The following FRY variants were observed in gnomAD, a reference collection of about 807,000 sequenced individuals.
The protein encoded by FRY is FRY microtubule binding protein.
A neutral mutation model predicts 348.4 loss-of-function variants in FRY; 128 were observed. That is an observed-to-expected ratio of 0.37 (90% CI 0.32 to 0.43). The LOEUF (loss-of-function observed/expected upper bound fraction) is 0.43, where lower values mean the gene tolerates loss of function less well. Ranked by LOEUF, FRY falls within the 20% of genes least tolerant of loss-of-function variation. The probability of loss-of-function intolerance (pLI) is 1.00; values close to 1 mark genes in which losing one functional copy is unlikely to be tolerated. For missense variants in FRY, 2,736 were observed against 3,695.2 expected, an observed-to-expected ratio of 0.74 and a Z score of 6.73; for synonymous variants, 1,370 against 1,374.7, an observed-to-expected ratio of 1.00 and a Z score of 0.08.
intron 58 of FRY, 94 bp from the exon 59 acceptor site, chr13:32,289,539 T>A (rs1425947701): frequency 4.0e-6 from 3 of 753,698 alleles, no homozygotes; most frequent in African/African-American, 3.5e-5. Flanking sequence ...TTTCTTAATT[T>A]AAAAAAAAAG....
chr13:32,197,220 G>A (rs1883726961), intron 29 of FRY, among the ~76,000 whole-genome samples: 1 of 152,032 alleles, frequency 6.6e-6, no homozygotes, highest in African/African-American at 2.4e-5. Flanking sequence ...GGTGGTTTTT[G>A]TTGGCATTGT....
At chr13:32,136,057 G>A (rs1013429378) in intron 10 of FRY, among the ~76,000 whole-genome samples, 7 of 150,786 alleles carry the variant, frequency 4.6e-5, no homozygotes, top group African/African-American at 1.7e-4. Context: ...AACGACTAAT[G>A]AACTGTTAAG....
chr13:32,200,798 A>G (rs1363930696), intron 29 of FRY, among the ~76,000 whole-genome samples: 1 of 152,032 alleles, frequency 6.6e-6, no homozygotes, highest in Non-Finnish European at 1.5e-5. Context: ...CTCTCCCCCC[A>G]TCCCACACAT....
chr13:32,291,637 T>C (rs1420997774), intron 59 of FRY, among the ~76,000 whole-genome samples: 4 of 152,088 alleles, frequency 2.6e-5, no homozygotes, highest in African/African-American at 9.7e-5. Context: ...ACTCCTGAGT[T>C]CAGGTGATCC....
intron 1 of FRY, among the ~76,000 whole-genome samples, chr13:32,075,390 T>C (rs1408572932): frequency 6.6e-6 from 1 of 152,238 alleles, no homozygotes; most frequent in African/African-American, 2.4e-5. Context: ...TTCTAAATTA[T>C]GCAATTTTGT....
At position 32,239,407 on chromosome 13, in the gene FRY, T is replaced by C. The variant is rs534038723; in HGVS notation, c.6516+58T>C. ...CATAGAGGCCTTCAGGACGCCCTAG[T>C]GTCAGGCAAATTACAAGGCCCAGAG... On this transcript the variant is annotated intron_variant, in intron 45 of 60. Transcript: ENST00000542859. This position sits in a 1 kb window ranked among gnomAD's most constrained non-coding sequence, Gnocchi z 4.3. The C allele has an allele frequency of 4.9e-6, 5 of 1,017,312 alleles. No individual in the cohort carries two copies. In the East Asian group the frequency reaches 7.1e-5, roughly 14 times the overall value. 63.0% of individuals were successfully genotyped at this position (1,017,312 alleles called of 1,614,324 possible).
intron 8 of FRY, among the ~76,000 whole-genome samples, chr13:32,133,713 T>C (rs1461440751): frequency 6.6e-6 from 1 of 151,674 alleles, no homozygotes; most frequent in Non-Finnish European, 1.5e-5. Context: ...AGTGTAGATA[T>C]TAACATGTTA....
chr13:32,236,256 A>G, intron 43 of FRY, 84 bp downstream of exon 43: 1 of 1,032,304 alleles, frequency 9.7e-7, no homozygotes, highest in Non-Finnish European at 1.5e-6. Flanking sequence ...GAAAAGTACA[A>G]AGAAAAAATC....
At chr13:32,282,600 C>G (rs1167548005) in intron 58 of FRY, among the ~76,000 whole-genome samples, 1 of 152,196 alleles carries the variant, frequency 6.6e-6, no homozygotes, top group African/African-American at 2.4e-5. Context: ...TAGAAAATTC[C>G]TAATCATTCT....
intron 31 of FRY, among the ~76,000 whole-genome samples, chr13:32,208,037 G>T (rs941332679): frequency 3.9e-5 from 6 of 152,206 alleles, no homozygotes; most frequent in African/African-American, 1.4e-4. Flanking sequence ...ATTAAATGCT[G>T]CTGGCAGTGA....
chr13:32,215,726 C>T (rs908821982), intron 35 of FRY, among the ~76,000 whole-genome samples: 4 of 152,184 alleles, frequency 2.6e-5, no homozygotes, highest in African/African-American at 7.2e-5. Flanking sequence ...TGTGTCACCA[C>T]ACCTAGCTCA....
intron 41 of FRY, among the ~76,000 whole-genome samples, chr13:32,233,809 T>C (rs1008356571): frequency 3.9e-5 from 6 of 152,250 alleles, no homozygotes; most frequent in Non-Finnish European, 7.3e-5. Flanking sequence ...CTAGGCACTT[T>C]GTAAGTTGTT....
chr13:32,081,873 A>G lies in FRY; in HGVS notation c.270+2840A>G, dbSNP rs1323623154. 5.9e-5 allele frequency among the ~76,000 whole-genome samples: 9 copies of G among 152,338 alleles called. 1 individual carries two copies. The East Asian group carries it at 9.6e-4, about 16-fold the overall frequency. ...GTAGAGTACACTTAAGGTGAATTCT[A>G]TTAAATGTCCTCTACTATTTCTCTT... On this transcript the variant is annotated intron_variant, in intron 2 of 60. Coordinates refer to ENST00000542859, the MANE Select transcript of FRY (RefSeq NM_023037.3).
intron 31 of FRY, among the ~76,000 whole-genome samples, chr13:32,208,643 A>G (rs946571971): frequency 1.3e-4 from 20 of 152,204 alleles, no homozygotes; most frequent in Admixed American, 1.3e-3. Context: ...CCACAGTGCT[A>G]TACACTTTCC....
intron 19 of FRY, among the ~76,000 whole-genome samples, chr13:32,174,034 T>G (rs138438995): frequency 3.9e-5 from 6 of 152,344 alleles, no homozygotes; most frequent in Middle Eastern, 3.4e-3. Flanking sequence ...AGCCAGTTAT[T>G]AAGCATGATC....
chr13:32,219,092 C>CTT (rs35364945), intron 36 of FRY, among the ~76,000 whole-genome samples: 3,574 of 137,954 alleles, frequency 0.026, 172 homozygotes, highest in African/African-American at 0.086. Context: ...TATATATATA[C>CTT]TTTTTTTTTT....
intron 15 of FRY, 103 bp downstream of exon 15, chr13:32,155,765 A>G: frequency 2.7e-6 from 2 of 730,502 alleles, no homozygotes; most frequent in East Asian, 5.4e-5. Flanking sequence ...TCTTTATAGA[A>G]GTAGATGATA....
intron 56 of FRY, among the ~76,000 whole-genome samples, chr13:32,275,733 C>G (rs1438534632): frequency 6.6e-6 from 1 of 152,206 alleles, no homozygotes; most frequent in Non-Finnish European, 1.5e-5. Context: ...TTATTGCCCT[C>G]TGGATTTGCC....
Position 32,202,460 on chromosome 13 carries a change from G to A in FRY, c.3951G>A (p.Val1317=). ...GCCCGCTGCCACCCCTCTACAGCGTGTCACTTGCCCTCTTGTCATGTGAGC... is the reference window on the plus strand; with the variant it reads ...GCCCGCTGCCACCCCTCTACAGCGTATCACTTGCCCTCTTGTCATGTGAGC... ...THGPLPPLYS[V]SLALLSCELA... The change falls in exon 31 of 61, where the codon GTG becomes GTA. Residue 1317 remains valine, a synonymous_variant. Transcript: ENST00000542859. 1 of 1,613,916 alleles carries A rather than the reference G, an allele frequency of 6.2e-7. No individual in the cohort carries two copies. Among genetic ancestry groups the A allele is most frequent in the Non-Finnish European group, 8.5e-7 (1 of 1,179,858 alleles).
Sources: gnomAD v4.1 joint callset for allele counts (sites outside exome capture counted in the v4.1 genomes callset) on GRCh38, gnomAD v4.1.1 for gene constraint, Gnocchi (gnomAD v3.1) non-coding constraint, MANE v1.5 for transcripts, NCBI Gene and HGNC (gene_info 2026-07-23, HGNC 2026-07-21) for gene names.